Variants in AGRN observed in about 807,000 individuals in gnomAD.
The protein encoded by AGRN is agrin proteoglycan.
AGRN carries 106 observed loss-of-function variants against 211.0 expected under a neutral mutation model. The observed-to-expected ratio is 0.50, with a 90% CI of 0.43 to 0.59. The LOEUF is 0.59. Ranked by LOEUF, AGRN falls within the 20% of genes least tolerant of loss-of-function variation. The pLI is 0.00. For missense variants in AGRN, 3,040 were observed against 2,982.6 expected (o/e 1.02, Z -0.45); for synonymous variants, 1,525 against 1,332.5 (o/e 1.14, Z -3.15).
Position 1,048,758 on chromosome 1 carries a change from ACTCCGT to A in AGRN, c.4106-105_4106-100del. The A allele has an allele frequency of 7.8e-7, 1 of 1,274,836 alleles. No homozygotes were observed. The highest frequency in any genetic ancestry group is 1.0e-6 in the Non-Finnish European group (1 of 965,818). The allele number at this position is 1,274,836 out of a possible 1,614,324, so 79.0% of individuals were successfully genotyped here. A position where few individuals can be genotyped will look rare whatever the true frequency, so the allele number is the denominator to read the frequency against. ...CTCCAGCCGGGGCAAAAAGAGCAAA[ACTCCGT>A]CTCAAAAAAAAAAAAAAAAAAAAAA... On this transcript the variant is annotated intron_variant, in intron 23 of 35. Transcript: ENST00000379370. The surrounding 1 kb of genome is among the most constrained non-coding windows in gnomAD (Gnocchi z 5.9).
chr1:1,050,938 C>T (rs924822527), intron 30 of AGRN, 101 bp downstream of exon 30: 35 of 1,543,750 alleles, frequency 2.3e-5, no homozygotes, highest in Non-Finnish European at 1.7e-5. Flanking sequence ...GTTTTTCTGT[C>T]CTGTTCTCTT....
chr1:1,048,962 C>T lies in AGRN; in HGVS notation c.4201C>T (p.Arg1401Trp), dbSNP rs758090504. Residue 1401 changes from arginine (R) to tryptophan (W), a missense_variant, in exon 24 of 36, where the codon CGG becomes TGG. This residue lies in a region of AGRN where 1,537 missense variants were observed against 1,505.0 expected (regional missense o/e 1.02). Transcript: ENST00000379370. The surrounding 1 kb of genome is among the most constrained non-coding windows in gnomAD (Gnocchi z 5.9). ...CACGCTGCGCCTGGCACTGGAATTC[C>T]GGGCGCTGGAGCCTCAGGGGCTGCT... is the stretch of plus-strand genomic sequence containing the variant. ...YHTLRLALEFRALEPQGLLLY... is the reference protein window; with the variant it reads ...YHTLRLALEFWALEPQGLLLY... 19 of 1,571,408 alleles carry T rather than the reference C, an allele frequency of 1.2e-5. No homozygotes were observed. Among genetic ancestry groups the T allele is most frequent in the Admixed American group, 7.3e-5 (4 of 54,642 alleles).
At chr1:1,028,072 C>T (rs559520629) in intron 2 of AGRN, among the ~76,000 whole-genome samples, 1 of 152,228 alleles carries the variant, frequency 6.6e-6, no homozygotes, top group African/African-American at 2.4e-5. Context: ...ATCATCAGTG[C>T]CTTCCCCATT....
chr1:1,046,869 C>T lies in AGRN; in HGVS notation c.3300C>T (p.Val1100=), dbSNP rs935964266. Reference sequence around the variant, plus strand: ...GCGTGGCCACCCCTGGGCCACCTGTCGAGAGGGCTTCCTGCTACAACTCCG... The same window carrying T: ...GCGTGGCCACCCCTGGGCCACCTGTTGAGAGGGCTTCCTGCTACAACTCCG... ...GSSVATPGPP[V]ERASCYNSAL... The change falls in exon 19 of 36, where the codon GTC becomes GTT. Residue 1100 remains valine (V), a synonymous_variant. Transcript: ENST00000379370. The T allele has an allele frequency of 2.0e-5, 31 of 1,586,866 alleles. No individual in the cohort carries two copies. Among genetic ancestry groups the T allele is most frequent in the Non-Finnish European group, 2.6e-5 (30 of 1,168,508 alleles).
At chr1:1,045,575 A>G in intron 14 of AGRN, 52 bp downstream of exon 14, 1 of 1,606,028 alleles carries the variant, frequency 6.2e-7, no homozygotes, top group South Asian at 1.1e-5. Context: ...CTACCTGTTC[A>G]CCCCCATCAC....
chr1:1,045,945 T>TA lies in AGRN; in HGVS notation c.2681-19_2681-18insA. On this transcript the variant is annotated intron_variant, in intron 15 of 35. Transcript: ENST00000379370. The stretch of plus-strand genomic sequence containing the variant: ...TGGGGTCACCCGAGCCACAGAGGTT[T>TA]CCCATGCCCGTGCCCCAGACGCTTC... 6.2e-7 allele frequency: 1 copy of TA among 1,612,986 alleles called. No homozygotes were observed. Among genetic ancestry groups the TA allele is most frequent in the Non-Finnish European group, 8.5e-7 (1 of 1,179,960 alleles).
At chr1:1,037,298 G>T (rs1056867058) in intron 3 of AGRN, among the ~76,000 whole-genome samples, 10 of 152,214 alleles carry the variant, frequency 6.6e-5, no homozygotes, top group Non-Finnish European at 1.3e-4. Context: ...ACACCCAGAA[G>T]GCTGGGGAGT....
Position 1,048,281 on chromosome 1 carries a change from G to A in AGRN, c.4021G>A (p.Gly1341Arg), listed in dbSNP as rs372543866. The change falls in exon 23 of 36, where the codon GGG becomes AGG. Residue 1341 changes from glycine to arginine, a missense_variant. Physicochemically the swap from Gly to Arg is moderately radical, Grantham distance 125. Transcript: ENST00000379370. This position sits in a 1 kb window ranked among gnomAD's most constrained non-coding sequence, Gnocchi z 5.9. ...CTGTGACTCACAGCCCTGCTTCCACGGGGGGACCTGCCAGGACTGGGCATT... is the reference window on the plus strand; with the variant it reads ...CTGTGACTCACAGCCCTGCTTCCACAGGGGGACCTGCCAGGACTGGGCATT... Reference protein sequence around the residue: ...KPCDSQPCFHGGTCQDWALGG... With the variant: ...KPCDSQPCFHRGTCQDWALGG... 1.8e-4 allele frequency: 277 copies of A among 1,523,666 alleles called. No individual in the cohort carries two copies. In the African/African-American group the frequency reaches 3.3e-3, roughly 18 times the overall value. The allele number at this position is 1,523,666 out of a possible 1,614,324, so 94.4% of individuals were successfully genotyped here. A position where few individuals can be genotyped will look rare whatever the true frequency, so the allele number is the denominator to read the frequency against.
chr1:1,027,164 C>G (rs1028013268), intron 2 of AGRN, among the ~76,000 whole-genome samples: 1 of 152,236 alleles, frequency 6.6e-6, no homozygotes, highest in Non-Finnish European at 1.5e-5. Flanking sequence ...GGAGCAGAGG[C>G]GTGGGAGAAG....
At position 1,048,636 on chromosome 1, in the gene AGRN, G is replaced by C. The variant is rs112285003; in HGVS notation, c.4106-231G>C. The C allele has an allele frequency of 9.9e-6, 6 of 606,932 alleles. No homozygotes were observed. Among genetic ancestry groups the C allele is most frequent in the African/African-American group, 1.9e-5 (1 of 52,466 alleles). The allele number at this position is 606,932 out of a possible 1,614,324, so 37.6% of individuals were successfully genotyped here. A position where few individuals can be genotyped will look rare whatever the true frequency, so the allele number is the denominator to read the frequency against. On this transcript the variant is annotated intron_variant, in intron 23 of 35. Transcript: ENST00000379370. The surrounding 1 kb of genome is among the most constrained non-coding windows in gnomAD (Gnocchi z 5.9). ...AAATACAAAATTAGCCGGGCGTGGTGGTGGGCGCCTGTAATCCCACCTCGT... is the reference window on the plus strand; with the variant it reads ...AAATACAAAATTAGCCGGGCGTGGTCGTGGGCGCCTGTAATCCCACCTCGT...
chr1:1,043,113 T>G lies in AGRN; in HGVS notation c.1385-126T>G, dbSNP rs943970601. ...GCCGTGTCTGCTGTGCATCTGGCCC[T>G]TCTCCTGTGTTCTCTCTTCCTCCAC... On this transcript the variant is annotated intron_variant, in intron 7 of 35. Transcript: ENST00000379370. 7.4e-6 allele frequency: 8 copies of G among 1,080,000 alleles called. 1 individual carries two copies. The highest frequency in any genetic ancestry group is 6.3e-5 in the African/African-American group (4 of 63,614). 66.9% of individuals were successfully genotyped at this position (1,080,000 alleles called of 1,614,324 possible).
rs958802981 is a variant in AGRN, at chr1:1,042,894, C to T, written c.1385-345C>T. Among the ~76,000 whole-genome samples the T allele has an allele frequency of 5.9e-5, 9 of 152,202 alleles. No individual in the cohort carries two copies. In the East Asian group the frequency reaches 1.4e-3, roughly 23 times the overall value. ...TCCTCCCACCCACAGAGAGCCCCCC[C>T]ACATGCATGGGTGTCCTGGGGATGC... On this transcript the variant is annotated intron_variant, in intron 7 of 35. Coordinates refer to ENST00000379370, the MANE Select transcript of AGRN (RefSeq NM_198576.4).
chr1:1,023,142 C>T (rs1644446840), intron 2 of AGRN, among the ~76,000 whole-genome samples: 1 of 152,178 alleles, frequency 6.6e-6, no homozygotes, highest in Admixed American at 6.5e-5. Context: ...TCCCTCATGG[C>T]TGCCTGGGAA....
At chr1:1,021,571 TC>T (rs1473757142) in intron 1 of AGRN, among the ~76,000 whole-genome samples, 2 of 152,210 alleles carry the variant, frequency 1.3e-5, no homozygotes, top group African/African-American at 4.8e-5. Context: ...TGGGTCCCTG[TC>T]CCCGTGAGGG....
chr1:1,024,367 CCCCA>C (rs1279557025), intron 2 of AGRN, among the ~76,000 whole-genome samples: 1 of 151,990 alleles, frequency 6.6e-6, no homozygotes, highest in Admixed American at 6.5e-5. Context: ...GGACATTGAA[CCCCA>C]CCCTGGGCCC....
chr1:1,043,764 G>T, intron 9 of AGRN, 32 bp downstream of exon 9: 1 of 1,603,916 alleles, frequency 6.2e-7, no homozygotes, highest in Non-Finnish European at 8.5e-7. Flanking sequence ...GGCGGGCCAG[G>T]GTCCTGTGCC....
In AGRN at chr1:1,045,090, G is replaced by A. The variant is rs538371283; in HGVS notation, c.2255-71G>A. ...AGTGGTGACAGTGGGGGTAGGTGGA[G>A]GCAGACTGGCTGGGTCCAGGGTGGG... is the stretch of plus-strand genomic sequence containing the variant. On this transcript the variant is annotated intron_variant, in intron 12 of 35. Transcript: ENST00000379370. 4.2e-4 allele frequency: 631 copies of A among 1,518,612 alleles called. 4 individuals are homozygous for A. In the African/African-American group the frequency reaches 7.7e-3, roughly 18 times the overall value. The allele number at this position is 1,518,612 out of a possible 1,614,324, so 94.1% of individuals were successfully genotyped here.
Position 1,045,805 on chromosome 1 carries a change from C to T in AGRN, c.2609C>T (p.Pro870Leu), listed in dbSNP as rs763566707. Residue 870 changes from proline (P) to leucine (L), a missense_variant, in exon 15 of 36, where the codon CCC (proline) becomes CTC (leucine). Pro to Leu is a moderately conservative substitution (Grantham distance 98). This residue lies in a region of AGRN where 1,498 missense variants were observed against 1,457.8 expected (regional missense o/e 1.03). Transcript: ENST00000379370. ...ATGACGGGGCTGTGCTCGTGTAAGC[C>T]CGGGGTGGCTGGACCCAAGTGTGGG... The part of the protein sequence containing the change: ...EQMTGLCSCK[P>L]GVAGPKCGQC... 2 of 1,612,998 alleles carry T rather than the reference C, an allele frequency of 1.2e-6. No individual in the cohort carries two copies. The highest frequency in any genetic ancestry group is 1.7e-5 in the Admixed American group (1 of 60,004).
At chr1:1,037,792 G>T (rs570636169) in intron 3 of AGRN, among the ~76,000 whole-genome samples, 1 of 152,354 alleles carries the variant, frequency 6.6e-6, no homozygotes, top group Non-Finnish European at 1.5e-5. Flanking sequence ...GTGTGGCCTT[G>T]TCAGGTGGCC....
Sources: allele counts gnomAD v4.1 joint callset (sites outside exome capture counted in the v4.1 genomes callset), GRCh38; gene constraint gnomAD v4.1.1; regional missense constraint gnomAD v4.1.1; non-coding constraint Gnocchi (gnomAD v3.1); transcripts MANE v1.5; gene names NCBI Gene and HGNC (gene_info 2026-07-23, HGNC 2026-07-21).